The following SNX30 variants were observed in gnomAD, a reference collection of about 807,000 sequenced individuals.
SNX30 encodes the protein sorting nexin family member 30, also known as sorting nexin-30.
In SNX30, 24 loss-of-function variants were observed where a neutral mutation model predicts 46.4. The ratio of observed to expected loss-of-function variants is 0.52; its 90% CI spans 0.37 to 0.73. The LOEUF (loss-of-function observed/expected upper bound fraction) is 0.73. Ranked by LOEUF, SNX30 falls within the 30% of genes least tolerant of loss-of-function variation. The pLI is 0.00. For missense variants in SNX30, 533 were observed against 555.7 expected, an observed-to-expected ratio of 0.96 and a Z score of 0.41; for synonymous variants, 189 against 211.5, an observed-to-expected ratio of 0.89 and a Z score of 0.92.
intron 5 of SNX30, 42 bp downstream of exon 5, chr9:112,836,451 A>C: frequency 1.3e-6 from 2 of 1,550,620 alleles, no homozygotes; most frequent in Non-Finnish European, 1.8e-6. Context: ...CTGCAGCCAC[A>C]TTGGCAGAAA....
chr9:112,809,327 A>T (rs888949791), intron 2 of SNX30, among the ~76,000 whole-genome samples: 1 of 151,976 alleles, frequency 6.6e-6, no homozygotes, highest in Non-Finnish European at 1.5e-5. Flanking sequence ...CGATCTGCCC[A>T]CCTTGGTTTC....
At chr9:112,847,686 A>C (rs772338775) in intron 6 of SNX30, among the ~76,000 whole-genome samples, 1 of 152,188 alleles carries the variant, frequency 6.6e-6, no homozygotes, top group Non-Finnish European at 1.5e-5. Context: ...TGGAAAAGAG[A>C]GATAGTAAAG....
intron 8 of SNX30, chr9:112,866,457 C>T: frequency 2.1e-6 from 1 of 470,732 alleles, no homozygotes; most frequent in South Asian, 1.5e-5. Context: ...CTGGTATGGC[C>T]TTGGTTTATC....
downstream of SNX30, among the ~76,000 whole-genome samples, chr9:112,884,267 G>A (rs999791785): frequency 1.3e-5 from 2 of 152,228 alleles, no homozygotes; most frequent in African/African-American, 2.4e-5. Flanking sequence ...CTGTGATCCA[G>A]TCCAGCCTCT....
chr9:112,861,420 G>A (rs1841229225), intron 7 of SNX30, among the ~76,000 whole-genome samples: 1 of 152,206 alleles, frequency 6.6e-6, no homozygotes, highest in African/African-American at 2.4e-5. Context: ...AGCCTAGTGA[G>A]GCGGAGGATA....
downstream of SNX30, among the ~76,000 whole-genome samples, chr9:112,883,215 G>A (rs1338045436): frequency 6.6e-6 from 1 of 152,164 alleles, no homozygotes; most frequent in Non-Finnish European, 1.5e-5. Context: ...CCTGCCTTGG[G>A]ATAACTTGAC....
chr9:112,864,333 C>T lies in SNX30; in HGVS notation c.1188C>T (p.Asn396=), dbSNP rs746182608. ...CTGACATGGAGAGGTGGCAGAACAA[C>T]AAGAGGCAGGACTTCCGGCAGCTAC... ...LKADMERWQN[N]KRQDFRQLLM... is the part of the protein sequence containing the mutation. Residue 396 remains asparagine (N), a synonymous_variant, in exon 8 of 9, where the codon AAC becomes AAT. Coordinates refer to ENST00000374232, the MANE Select transcript of SNX30 (RefSeq NM_001012994.2). 6 of 1,614,164 alleles carry T rather than the reference C, an allele frequency of 3.7e-6. No homozygotes were observed. Among genetic ancestry groups the T allele is most frequent in the East Asian group, 2.2e-5 (1 of 44,888 alleles).
chr9:112,854,853 C>T (rs1163461727), intron 7 of SNX30, among the ~76,000 whole-genome samples: 3 of 152,216 alleles, frequency 2.0e-5, no homozygotes, highest in Admixed American at 6.5e-5. Context: ...CCTCAGTTGC[C>T]TCCCACACAT....
Position 112,874,376 on chromosome 9 carries a change from T to G in SNX30, c.*5533T>G, listed in dbSNP as rs979009858. On this transcript the variant is annotated 3_prime_UTR_variant, in exon 9 of 9. Transcript: ENST00000374232. The stretch of plus-strand genomic sequence containing the variant: ...GGAGTGCATTGAGAGATGATGTCCA[T>G]CTGATATATTCCTGTGAAATAAACT... 3.9e-5 allele frequency: 6 copies of G among 152,246 alleles called. No homozygotes were observed. The highest frequency in any genetic ancestry group is 1.4e-4 in the African/African-American group (6 of 41,470). The allele number at this position is 152,246 out of a possible 1,614,324, so 9.4% of individuals were successfully genotyped here.
chr9:112,787,180 C>G (rs1249237995), intron 1 of SNX30, among the ~76,000 whole-genome samples: 2 of 152,110 alleles, frequency 1.3e-5, no homozygotes, highest in African/African-American at 2.4e-5. Flanking sequence ...TCGAAAAGTT[C>G]CACGGAAAAA....
chr9:112,768,787 G>C (rs1839595654), intron 1 of SNX30, among the ~76,000 whole-genome samples: 1 of 151,516 alleles, frequency 6.6e-6, no homozygotes, highest in Admixed American at 6.6e-5. Context: ...ATCCCAAGTA[G>C]CTGGGATTAC....
At chr9:112,832,510 G>GAGA (rs376705361) in intron 4 of SNX30, among the ~76,000 whole-genome samples, 3,954 of 138,844 alleles carry the variant, frequency 0.028, 83 homozygotes, top group African/African-American at 0.041. Flanking sequence ...GAGAGAGAGA[G>GAGA]AGGAGATTTA....
chr9:112,864,558 G>A (rs530118537), intron 8 of SNX30, among the ~76,000 whole-genome samples, 159 bp downstream of exon 8: 35 of 152,302 alleles, frequency 2.3e-4, no homozygotes, highest in African/African-American at 7.7e-4. Context: ...CCAACCATGT[G>A]GCTGCAGTGC....
chr9:112,778,453 G>T (rs1316332031), intron 1 of SNX30, among the ~76,000 whole-genome samples: 1 of 152,082 alleles, frequency 6.6e-6, no homozygotes, highest in Non-Finnish European at 1.5e-5. Context: ...TGTATTTTTA[G>T]TAGAGAGGGG....
chr9:112,753,635 G>A (rs751242815), intron 1 of SNX30, among the ~76,000 whole-genome samples: 20 of 152,118 alleles, frequency 1.3e-4, no homozygotes, highest in Non-Finnish European at 1.9e-4. Context: ...TGCCCTCCTC[G>A]GCCTCCCAAA....
At position 112,839,428 on chromosome 9, in the gene SNX30, G is replaced by A. The variant is rs575662800; in HGVS notation, c.1014+731G>A. Among the ~76,000 whole-genome samples, 7 of 152,316 alleles carry A rather than the reference G, an allele frequency of 4.6e-5. No homozygotes were observed. The South Asian group carries it at 8.3e-4, about 18-fold the overall frequency. On this transcript the variant is annotated intron_variant, in intron 6 of 8. Coordinates refer to ENST00000374232, the MANE Select transcript of SNX30 (RefSeq NM_001012994.2). ...CAGATGATGTATAAAAGGAACAAGA[G>A]TGAGAATGGCTTTGGTCTAGCAGCG... is the stretch of plus-strand genomic sequence containing the variant.
chr9:112,807,047 T>C (rs1840235820), intron 2 of SNX30, among the ~76,000 whole-genome samples: 1 of 137,540 alleles, frequency 7.3e-6, no homozygotes, highest in African/African-American at 2.7e-5. Context: ...TCTTTTCTTT[T>C]CTATCTTTTT....
At chr9:112,774,573 A>C (rs1010555455) in intron 1 of SNX30, among the ~76,000 whole-genome samples, 1 of 152,168 alleles carries the variant, frequency 6.6e-6, no homozygotes, top group African/African-American at 2.4e-5. Flanking sequence ...TCAAGTTACA[A>C]TGTAATGTGT....
At chr9:112,817,068 A>G (rs1018343950) in intron 2 of SNX30, among the ~76,000 whole-genome samples, 2 of 152,204 alleles carry the variant, frequency 1.3e-5, no homozygotes, top group Admixed American at 6.5e-5. Context: ...TGTCTAAAAT[A>G]TAACAGTTCC....
Sources: gnomAD v4.1 joint callset for allele counts (sites outside exome capture counted in the v4.1 genomes callset) on GRCh38, gnomAD v4.1.1 for gene constraint, MANE v1.5 for transcripts, NCBI Gene and HGNC (gene_info 2026-07-23, HGNC 2026-07-21) for gene names.